The following MANSC1 variants were observed in gnomAD, a reference collection of about 807,000 sequenced individuals.
MANSC1 encodes MANSC domain-containing protein 1.
In MANSC1, 13 loss-of-function variants were observed where a neutral mutation model predicts 14.1. The ratio of observed to expected loss-of-function variants is 0.92; its 90% CI spans 0.60 to 1.46. The LOEUF (loss-of-function observed/expected upper bound fraction) is 1.46. MANSC1 is among the 40% of genes most tolerant of loss of function. MANSC1 has a pLI of 0.00. For synonymous variants in MANSC1, 227 were observed against 200.7 expected, an observed-to-expected ratio of 1.13 and a Z score of -1.11; for missense variants, 486 against 511.4, an observed-to-expected ratio of 0.95 and a Z score of 0.48.
chr12:12,348,996 C>T (rs1479966195), intron 1 of MANSC1, among the ~76,000 whole-genome samples: 1 of 152,180 alleles, frequency 6.6e-6, no homozygotes, highest in African/African-American at 2.4e-5. Context: ...CATCTAATAA[C>T]TGCCATAATT....
In MANSC1 at chr12:12,330,723, T is replaced by G; in HGVS notation, c.600A>C (p.Glu200Asp). ...EASAQLLAYK[E>D]KGHSQSSQFS... is the part of the protein sequence containing the mutation. ...ATTGTGAACTCTGAGAATGGCCTTT[T>G]TCCTTATAAGCAAGGAGCTGGGCAC... The change falls in exon 4 of 4, where the codon GAA becomes GAC. Residue 200 changes from glutamate to aspartate, a missense_variant. Coordinates refer to ENST00000535902, the MANE Select transcript of MANSC1 (RefSeq NM_018050.4). 6.2e-7 allele frequency: 1 copy of G among 1,614,232 alleles called. No homozygotes were observed. Among genetic ancestry groups the G allele is most frequent in the Non-Finnish European group, 8.5e-7 (1 of 1,180,036 alleles).
chr12:12,333,337 A>G (rs1055571172), intron 3 of MANSC1, among the ~76,000 whole-genome samples: 1 of 152,196 alleles, frequency 6.6e-6, no homozygotes, highest in Non-Finnish European at 1.5e-5. Context: ...GTGAGCCATC[A>G]TACTTGGCCT....
intron 1 of MANSC1, among the ~76,000 whole-genome samples, chr12:12,347,094 G>A (rs574852397): frequency 6.6e-6 from 1 of 152,138 alleles, no homozygotes; most frequent in South Asian, 2.1e-4. Flanking sequence ...GTGGGGGTAT[G>A]GTTCAGGATG....
chr12:12,348,717 CA>C (rs58073340), intron 1 of MANSC1, among the ~76,000 whole-genome samples: 1,562 of 134,968 alleles, frequency 0.012, 28 homozygotes, highest in African/African-American at 0.04. Flanking sequence ...AAGGTAAAAC[CA>C]AAAAAAAAAA....
chr12:12,342,584 G>GTTTTTTTT (rs760560592), intron 2 of MANSC1, among the ~76,000 whole-genome samples: 22 of 41,782 alleles, frequency 5.3e-4, no homozygotes, highest in African/African-American at 1.1e-3. Flanking sequence ...GTGTTTTTTT[G>GTTTTTTTT]TTTTTTTTTT....
At chr12:12,341,241 A>T (rs774413350) in intron 2 of MANSC1, among the ~76,000 whole-genome samples, 2 of 152,202 alleles carry the variant, frequency 1.3e-5, no homozygotes, top group Non-Finnish European at 2.9e-5. Flanking sequence ...ACTAAGGAAA[A>T]TGCTGTATTT....
At chr12:12,340,583 A>G (rs1862920511) in intron 2 of MANSC1, among the ~76,000 whole-genome samples, 1 of 152,246 alleles carries the variant, frequency 6.6e-6, no homozygotes, top group Non-Finnish European at 1.5e-5. Flanking sequence ...TCGAGTTATC[A>G]TAGTGCCTTT....
At chr12:12,349,410 G>A (rs1045193358) in intron 1 of MANSC1, among the ~76,000 whole-genome samples, 1 of 152,188 alleles carries the variant, frequency 6.6e-6, no homozygotes, top group African/African-American at 2.4e-5. Context: ...TCAGTATGCA[G>A]CATTGAGAGA....
Position 12,330,219 on chromosome 12 carries a change from G to A in MANSC1, c.1104C>T (p.Ser368=). The A allele has an allele frequency of 6.2e-7, 1 of 1,614,188 alleles. No individual in the cohort carries two copies. Among genetic ancestry groups the A allele is most frequent in the Non-Finnish European group, 8.5e-7 (1 of 1,180,036 alleles). ...ACTGATTTTCTGGAACACTGCCCTG[G>A]GAGGAACTGCCTGGACTGGCCTCCC... ...EGREASPGSS[S]QGSVPENQYG... The change falls in exon 4 of 4, where the codon TCC becomes TCT. Residue 368 remains serine, a synonymous_variant. Coordinates refer to ENST00000535902, the MANE Select transcript of MANSC1 (RefSeq NM_018050.4).
chr12:12,343,940 T>C (rs1017096046), intron 1 of MANSC1, among the ~76,000 whole-genome samples: 2 of 152,004 alleles, frequency 1.3e-5, no homozygotes, highest in African/African-American at 4.8e-5. Context: ...GGTGAAACCC[T>C]GTCTCTACTA....
intron 1 of MANSC1, among the ~76,000 whole-genome samples, chr12:12,345,528 A>G (rs772852536): frequency 1.4e-4 from 21 of 152,162 alleles, no homozygotes; most frequent in Admixed American, 4.6e-4. Context: ...TGACAGCCTT[A>G]AAAATACAAA....
chr12:12,343,976 G>A (rs577898229), intron 1 of MANSC1, among the ~76,000 whole-genome samples: 44 of 152,158 alleles, frequency 2.9e-4, no homozygotes, highest in African/African-American at 1.0e-3. Flanking sequence ...AGCTGGGTGT[G>A]GTGGCGCATG....
chr12:12,332,454 T>C (rs1174382391), intron 3 of MANSC1, among the ~76,000 whole-genome samples: 1 of 152,238 alleles, frequency 6.6e-6, no homozygotes, highest in African/African-American at 2.4e-5. Context: ...TACGGCCTGA[T>C]GGACAAATCT....
In MANSC1 at chr12:12,335,958, G is replaced by A. The variant is rs551684908; in HGVS notation, c.364+2462C>T. On this transcript the variant is annotated intron_variant, in intron 3 of 3. Transcript: ENST00000535902. ...AGCACTTTGAGAGGCCGAGGTGGGTGGATTACCCGACATCAGGAGTTCGAG... is the reference window on the plus strand; with the variant it reads ...AGCACTTTGAGAGGCCGAGGTGGGTAGATTACCCGACATCAGGAGTTCGAG... Among the ~76,000 whole-genome samples, 7 of 151,856 alleles carry A rather than the reference G, an allele frequency of 4.6e-5. No individual in the cohort carries two copies. In the East Asian group the frequency reaches 1.4e-3, roughly 30 times the overall value.
intron 2 of MANSC1, among the ~76,000 whole-genome samples, chr12:12,341,540 T>C (rs889207891): frequency 1.3e-5 from 2 of 152,246 alleles, no homozygotes; most frequent in African/African-American, 4.8e-5. Context: ...TGAAAGGGGC[T>C]GGTTATGAAT....
chr12:12,336,273 G>A (rs1321406972), intron 3 of MANSC1, among the ~76,000 whole-genome samples: 3 of 152,186 alleles, frequency 2.0e-5, no homozygotes, highest in African/African-American at 4.8e-5. Context: ...TGGAGTGTTG[G>A]TTTTTCAAAC....
chr12:12,336,128 ACT>A (rs1416688602), intron 3 of MANSC1, among the ~76,000 whole-genome samples: 1 of 152,080 alleles, frequency 6.6e-6, no homozygotes, highest in Non-Finnish European at 1.5e-5. Context: ...ACAGAGTGAG[ACT>A]CTGTCTCAAA....
At chr12:12,340,814 T>C (rs1862923598) in intron 2 of MANSC1, among the ~76,000 whole-genome samples, 1 of 152,182 alleles carries the variant, frequency 6.6e-6, no homozygotes, top group South Asian at 2.1e-4. Context: ...AGGTGATGTT[T>C]CTATTTCACA....
chr12:12,332,838 T>C (rs1278919236), intron 3 of MANSC1, among the ~76,000 whole-genome samples: 2 of 152,080 alleles, frequency 1.3e-5, no homozygotes, highest in African/African-American at 2.4e-5. Flanking sequence ...ATATTTCTTT[T>C]AATGGCTGAA....
Sources: allele counts gnomAD v4.1 joint callset (sites outside exome capture counted in the v4.1 genomes callset), GRCh38; gene constraint gnomAD v4.1.1; transcripts MANE v1.5; gene names NCBI Gene and HGNC (gene_info 2026-07-23, HGNC 2026-07-21).